Variants in ATP2B4 observed in about 807,000 individuals in gnomAD.
ATP2B4 encodes ATPase plasma membrane Ca2+ transporting 4, also known as plasma membrane calcium-transporting ATPase 4.
A neutral mutation model predicts 110.3 loss-of-function variants in ATP2B4; 39 were observed. The observed-to-expected ratio is 0.35, with a 90% confidence interval of 0.27 to 0.46. The LOEUF (loss-of-function observed/expected upper bound fraction) is 0.46. ATP2B4 is among the 20% of genes least tolerant of loss of function. ATP2B4 has a pLI of 1.00. For missense variants in ATP2B4, 1,135 were observed against 1,530.9 expected (o/e 0.74, Z 4.32); for synonymous variants, 538 against 571.7 (o/e 0.94, Z 0.84).
intron 19 of ATP2B4, among the ~76,000 whole-genome samples, chr1:203,725,136 A>G (rs1156489704): frequency 6.7e-6 from 1 of 148,990 alleles, no homozygotes; most frequent in Non-Finnish European, 1.5e-5. Context: ...TTGGCCTCCC[A>G]AAGTGCTGGG....
chr1:203,683,455 T>C, intron 2 of ATP2B4, 57 bp downstream of exon 2: 6 of 1,497,760 alleles, frequency 4.0e-6, no homozygotes, highest in Non-Finnish European at 5.4e-6. Context: ...TTTCAAAATA[T>C]TGTTTTCCCA....
intron 1 of ATP2B4, among the ~76,000 whole-genome samples, chr1:203,671,062 AGT>A (rs1410268091): frequency 9.2e-5 from 14 of 152,332 alleles, no homozygotes; most frequent in Non-Finnish European, 1.5e-5. Flanking sequence ...TCTCCTAATA[AGT>A]GTATACCAAT....
chr1:203,704,008 T>A (rs1032421573), intron 8 of ATP2B4, among the ~76,000 whole-genome samples, 195 bp downstream of exon 8: 2 of 152,214 alleles, frequency 1.3e-5, no homozygotes, highest in Admixed American at 1.3e-4. Flanking sequence ...GAGAGAAATG[T>A]TTTCCTGTGT....
intron 2 of ATP2B4, among the ~76,000 whole-genome samples, chr1:203,684,694 A>AT (rs1234264000): frequency 1.3e-5 from 2 of 152,100 alleles, no homozygotes; most frequent in African/African-American, 4.8e-5. Flanking sequence ...GAAAAAAAAA[A>AT]GGAAATGGGA....
intron 1 of ATP2B4, among the ~76,000 whole-genome samples, chr1:203,653,755 C>T (rs986838669): frequency 3.3e-5 from 5 of 151,824 alleles, no homozygotes; most frequent in South Asian, 2.1e-4. Flanking sequence ...CGGGGTTTCA[C>T]CATATTGGCC....
intron 2 of ATP2B4, among the ~76,000 whole-genome samples, chr1:203,695,522 G>A (rs1231716408): frequency 6.6e-6 from 1 of 152,146 alleles, no homozygotes; most frequent in Non-Finnish European, 1.5e-5. Flanking sequence ...CCCCTAAGCT[G>A]GAGGCCAGGG....
At position 203,720,554 on chromosome 1, in the gene ATP2B4, C is replaced by T. The variant is rs779872533; in HGVS notation, c.2412C>T (p.Ile804=). 1.1e-5 allele frequency: 17 copies of T among 1,602,888 alleles called. No individual in the cohort carries two copies. Among genetic ancestry groups the T allele is most frequent in the African/African-American group, 1.3e-5 (1 of 74,792 alleles). The change falls in exon 16 of 21, where the codon ATC becomes ATT. Residue 804 remains isoleucine (I), a synonymous_variant. Transcript: ENST00000357681. The stretch of plus-strand genomic sequence containing the variant: ...TCCCTCCCATCTTACCTCAGGGCAT[C>T]GCAGGCACAGATGTAGCAAAGGAGG... ...KKADVGFAMG[I]AGTDVAKEAS...
In ATP2B4 at chr1:203,712,098, G is replaced by A; in HGVS notation, c.2170G>A (p.Gly724Ser). ...TPGDDFLCLE[G>S]KEFNRLIRNE... ...TGGGGATGACTTCCTGTGCTTAGAA[G>A]GCAAAGAATTCAACCGGCTCATCCG... The change falls in exon 13 of 21, where the codon GGC (glycine) becomes AGC (serine). Residue 724 changes from glycine (G) to serine (S), a missense_variant. By Grantham distance (56) the Gly-to-Ser change is moderately conservative. Transcript: ENST00000357681. 1 of 1,614,132 alleles carries A rather than the reference G, an allele frequency of 6.2e-7. No individual in the cohort carries two copies.
At position 203,709,497 on chromosome 1, in the gene ATP2B4, G is replaced by C; in HGVS notation, c.1754G>C (p.Gly585Ala). Residue 585 changes from glycine (G) to alanine (A), a missense_variant, in exon 11 of 21, where the codon GGC (glycine) becomes GCC (alanine). Physicochemically the swap from Gly to Ala is moderately conservative, Grantham distance 60. Transcript: ENST00000357681. ...MSTVIRNPNGGFRMYSKGASE... is the reference protein window; with the variant it reads ...MSTVIRNPNGAFRMYSKGASE... ...ACCGTCATCAGGAATCCCAACGGTGGCTTCCGTATGTACAGCAAGGGCGCC... is the reference window on the plus strand; with the variant it reads ...ACCGTCATCAGGAATCCCAACGGTGCCTTCCGTATGTACAGCAAGGGCGCC... 6.2e-7 allele frequency: 1 copy of C among 1,614,136 alleles called. No homozygotes were observed. The highest frequency in any genetic ancestry group is 8.5e-7 in the Non-Finnish European group (1 of 1,180,022).
At chr1:203,676,742 C>T (rs11803879) in intron 1 of ATP2B4, among the ~76,000 whole-genome samples, 63,602 of 151,396 alleles carry the variant, frequency 0.42, 13,907 homozygotes, top group Non-Finnish European at 0.49. Flanking sequence ...CCACTGGGCT[C>T]TCCAGGCAGG....
chr1:203,713,261 G>A lies in ATP2B4; in HGVS notation c.2299+9G>A, dbSNP rs778851023. Reference sequence around the variant, plus strand: ...GCACACCCTGGTGAAAGGTGAGGTTGGCTTCCAAATAGGTGCCTGCAACAG... The same window carrying A: ...GCACACCCTGGTGAAAGGTGAGGTTAGCTTCCAAATAGGTGCCTGCAACAG... On this transcript the variant is annotated intron_variant, in intron 14 of 20. Coordinates refer to ENST00000357681, the MANE Select transcript of ATP2B4 (RefSeq NM_001684.5). 1.4e-5 allele frequency: 23 copies of A among 1,613,986 alleles called. No individual in the cohort carries two copies. The highest frequency in any genetic ancestry group is 1.9e-5 in the Non-Finnish European group (22 of 1,179,986).
intron 17 of ATP2B4, among the ~76,000 whole-genome samples, 169 bp downstream of exon 17, chr1:203,721,579 A>G (rs564345462): frequency 6.6e-6 from 1 of 152,014 alleles, no homozygotes; most frequent in South Asian, 2.1e-4. Flanking sequence ...ATGTACTCAT[A>G]CAGTACTCTT....
At chr1:203,703,406 G>A (rs1018774381) in intron 7 of ATP2B4, among the ~76,000 whole-genome samples, 7 of 152,128 alleles carry the variant, frequency 4.6e-5, no homozygotes, top group Non-Finnish European at 1.0e-4. Context: ...TGCCACTGAA[G>A]AAGAAATCCA....
intron 1 of ATP2B4, among the ~76,000 whole-genome samples, chr1:203,656,247 T>C (rs1664161197): frequency 6.6e-6 from 1 of 152,200 alleles, no homozygotes. Flanking sequence ...CTTTATCCTT[T>C]TAAAACTTAG....
chr1:203,733,345 A>C, intron 20 of ATP2B4: 1 of 1,614,176 alleles, frequency 6.2e-7, no homozygotes, highest in Non-Finnish European at 8.5e-7. Context: ...CAGTTGCACC[A>C]GTCAAATCTT....
At chr1:203,734,406 G>C (rs1340675745) in intron 20 of ATP2B4, among the ~76,000 whole-genome samples, 1 of 152,086 alleles carries the variant, frequency 6.6e-6, no homozygotes, top group Non-Finnish European at 1.5e-5. Context: ...TGGGACTCCG[G>C]TTTAAAAATC....
At position 203,683,666 on chromosome 1, in the gene ATP2B4, C is replaced by CTTTTTTTTTTTTTTTTTTTTTTTTTTTT. The variant is rs11326748; in HGVS notation, c.193+290_193+291insTTTTTTTTTTTTTTTTTTTTTTTTTTTT. 1.3e-4 allele frequency among the ~76,000 whole-genome samples: 10 copies of CTTTTTTTTTTTTTTTTTTTTTTTTTTTT among 77,696 alleles called. 1 individual carries two copies. Among genetic ancestry groups the CTTTTTTTTTTTTTTTTTTTTTTTTTTTT allele is most frequent in the South Asian group, 6.0e-4 (1 of 1,666 alleles). The allele number at this position is 77,696 out of a possible 152,430, so 51.0% of individuals were successfully genotyped here. On this transcript the variant is annotated intron_variant, in intron 2 of 20. Transcript: ENST00000357681. The stretch of plus-strand genomic sequence containing the variant: ...TTCTTTCTTTCTTCTTCTTTTGTTT[C>CTTTTTTTTTTTTTTTTTTTTTTTTTTTT]TTTTTTTTTTTTTTTTTTTTTTGGT...
intron 8 of ATP2B4, among the ~76,000 whole-genome samples, chr1:203,705,127 G>A (rs957823623): frequency 1.3e-5 from 2 of 152,184 alleles, no homozygotes; most frequent in Non-Finnish European, 1.5e-5. Flanking sequence ...AGTTGGTCAC[G>A]AGCCACATGT....
chr1:203,700,951 T>C, intron 6 of ATP2B4, 28 bp downstream of exon 6: 2 of 1,603,692 alleles, frequency 1.2e-6, no homozygotes. Flanking sequence ...TGAGATTCTC[T>C]TTCCTCTCAT....
Sources: allele counts gnomAD v4.1 joint callset (sites outside exome capture counted in the v4.1 genomes callset), GRCh38; gene constraint gnomAD v4.1.1; transcripts MANE v1.5; gene names NCBI Gene and HGNC (gene_info 2026-07-23, HGNC 2026-07-21).